Variants in TUBGCP6 observed in about 807,000 individuals in gnomAD.
The protein encoded by TUBGCP6 is gamma-tubulin complex component 6.
Under a neutral mutation model 175.8 loss-of-function variants are expected in TUBGCP6, and 161 were observed. The observed-to-expected ratio is 0.92, with a 90% CI of 0.81 to 1.04. The LOEUF (loss-of-function observed/expected upper bound fraction) is 1.04. Ranked by LOEUF, TUBGCP6 falls within the 50% of genes least tolerant of loss-of-function variation. The probability of loss-of-function intolerance (pLI) is 0.00; values close to 1 mark genes in which losing one functional copy is unlikely to be tolerated. For synonymous variants in TUBGCP6, 1,173 were observed against 1,030.5 expected (o/e 1.14, Z -2.65); for missense variants, 2,572 against 2,433.0 (o/e 1.06, Z -1.20).
intron 5 of TUBGCP6, 50 bp from the exon 6 acceptor site, chr22:50,227,127 G>A (rs776643065): frequency 8.5e-6 from 13 of 1,532,330 alleles, no homozygotes; most frequent in East Asian, 7.0e-5. Flanking sequence ...AGGGTTCCCA[G>A]GCCTGGATCA....
intron 2 of TUBGCP6, among the ~76,000 whole-genome samples, chr22:50,235,924 A>G (rs2064773242): frequency 2.7e-5 from 4 of 147,154 alleles, no homozygotes; most frequent in African/African-American, 1.0e-4. Flanking sequence ...TGAGCAACAG[A>G]GCAAGACTCC....
At chr22:50,235,145 T>C (rs368432853) in intron 2 of TUBGCP6, among the ~76,000 whole-genome samples, 9 of 122,374 alleles carry the variant, frequency 7.4e-5, no homozygotes, top group African/African-American at 2.7e-4. Context: ...CATGGCAGCA[T>C]CCACACCCCA....
intron 2 of TUBGCP6, among the ~76,000 whole-genome samples, chr22:50,238,675 C>G (rs1002828018): frequency 6.6e-6 from 1 of 151,468 alleles, no homozygotes; most frequent in African/African-American, 2.4e-5. Context: ...GTAGCTGGGA[C>G]CACAGGCACC....
At chr22:50,242,637 C>G (rs994084207) in intron 1 of TUBGCP6, among the ~76,000 whole-genome samples, 1 of 152,172 alleles carries the variant, frequency 6.6e-6, no homozygotes, top group Admixed American at 6.5e-5. Context: ...CAATAAAATA[C>G]AAAACTCAAA....
Position 50,220,260 on chromosome 22 carries a change from C to A in TUBGCP6, c.4099G>T (p.Glu1367Ter). The A allele has an allele frequency of 6.4e-7, 1 of 1,557,474 alleles. No homozygotes were observed. Among genetic ancestry groups the A allele is most frequent in the Non-Finnish European group, 8.7e-7 (1 of 1,147,608 alleles). Residue 1367 changes from glutamate to a stop codon, truncating the protein, a stop_gained, in exon 16 of 25, where the codon GAA becomes TAA. Coordinates refer to ENST00000248846, the MANE Select transcript of TUBGCP6 (RefSeq NM_020461.4). LOFTEE classifies it high-confidence loss of function. ...WPNTPGDSVS[E>*]ELGPGRSGDT... is the part of the protein sequence containing the mutation. Reference sequence around the variant, plus strand: ...GCCACCCTACTCTGACCTAGTTCTTCAGAGACACTGTCTCCCGGGGTGTTG... The same window carrying A: ...GCCACCCTACTCTGACCTAGTTCTTAAGAGACACTGTCTCCCGGGGTGTTG...
Position 50,219,443 on chromosome 22 carries a change from A to G in TUBGCP6, c.4329T>C (p.Ile1443=). The G allele has an allele frequency of 6.3e-7, 1 of 1,575,322 alleles. No individual in the cohort carries two copies. Residue 1443 remains isoleucine, a synonymous_variant, in exon 19 of 25, where the codon ATT becomes ATC. Coordinates refer to ENST00000248846, the MANE Select transcript of TUBGCP6 (RefSeq NM_020461.4). ...DSYESMSEPP[I]AHLLRPVLPR... is the part of the protein sequence containing the mutation. ...GAAGCACGGGGCGCAAAAGATGAGC[A>G]ATGGGCGGCTCGGCTGCGGGAGATG...
Position 50,219,662 on chromosome 22 carries a change from C to G in TUBGCP6, c.4297G>C (p.Asp1433His), listed in dbSNP as rs2064482556. The G allele has an allele frequency of 6.2e-7, 1 of 1,613,694 alleles. No individual in the cohort carries two copies. Among genetic ancestry groups the G allele is most frequent in the Non-Finnish European group, 8.5e-7 (1 of 1,179,960 alleles). ...AGQYHLERYP[D>H]SYESMSEPPI... ...CACTCACACATGGACTCGTAACTGT[C>G]CGGGTACCGCTCCAAGTGGTACTGC... Residue 1433 changes from aspartate to histidine, a missense_variant, in exon 18 of 25, where the codon GAC (aspartate) becomes CAC (histidine). By Grantham distance (81) the Asp-to-His change is moderately conservative. Transcript: ENST00000248846.
chr22:50,244,733 C>A lies in TUBGCP6; in HGVS notation c.-274G>T. On this transcript the variant is annotated 5_prime_UTR_variant, in exon 1 of 25. Transcript: ENST00000248846. ...TCGGCGTTTCTTCTAATTCAGTAGC[C>A]CTCAACCTTTAGGGAGTCACAGAAC... The A allele has an allele frequency of 2.1e-6, 1 of 482,846 alleles. No individual in the cohort carries two copies. The highest frequency in any genetic ancestry group is 3.7e-6 in the Non-Finnish European group (1 of 271,922). 29.9% of individuals were successfully genotyped at this position (482,846 alleles called of 1,614,324 possible).
chr22:50,233,202 G>T, intron 3 of TUBGCP6, 114 bp downstream of exon 3: 1 of 1,262,462 alleles, frequency 7.9e-7, no homozygotes, highest in Non-Finnish European at 1.1e-6. Context: ...GGCCTTCCCT[G>T]CCACTCCCCA....
At position 50,219,938 on chromosome 22, in the gene TUBGCP6, C is replaced by T. The variant is rs770942109; in HGVS notation, c.4167+19G>A. On this transcript the variant is annotated intron_variant, in intron 17 of 24. Transcript: ENST00000248846. ...CCCTCCCTGCCTGCTGTGGGACCCC[C>T]AGGCTGCATCCACCTAACCTGTGAG... 1.1e-5 allele frequency: 17 copies of T among 1,613,902 alleles called. 1 individual carries two copies. The South Asian group carries it at 1.5e-4, about 15-fold the overall frequency.
At chr22:50,227,236 G>A (rs972173177) in intron 5 of TUBGCP6, among the ~76,000 whole-genome samples, 159 bp from the exon 6 acceptor site, 2 of 152,000 alleles carry the variant, frequency 1.3e-5, no homozygotes, top group Non-Finnish European at 2.9e-5. Flanking sequence ...ACCCAGAAAC[G>A]GGCTCCCTGC....
At chr22:50,237,059 G>A (rs1479147899) in intron 2 of TUBGCP6, among the ~76,000 whole-genome samples, 2 of 152,338 alleles carry the variant, frequency 1.3e-5, no homozygotes, top group East Asian at 1.9e-4. Context: ...CCAAAATGTA[G>A]CAAAATGCTT....
At chr22:50,222,182 C>A in intron 14 of TUBGCP6, 80 bp from the exon 15 acceptor site, 1 of 1,454,522 alleles carries the variant, frequency 6.9e-7, no homozygotes, top group Non-Finnish European at 9.5e-7. Context: ...CAGCCCCTAC[C>A]GCCCATGGCA....
rs377508237 is a variant in TUBGCP6, at chr22:50,218,287, G to A, written c.5070C>T (p.His1690=). Reference sequence around the variant, plus strand: ...TGGCCCTGAACTCGCACCAGGTGACGTGCAGGATCTGGTTGGCGATGTAGC... The same window carrying A: ...TGGCCCTGAACTCGCACCAGGTGACATGCAGGATCTGGTTGGCGATGTAGC... The part of the protein sequence containing the change: ...IQGYIANQIL[H]VTWCEFRARL... The change falls in exon 23 of 25, where the codon CAC becomes CAT. Residue 1690 remains histidine, a synonymous_variant. Coordinates refer to ENST00000248846, the MANE Select transcript of TUBGCP6 (RefSeq NM_020461.4). 1.8e-4 allele frequency: 297 copies of A among 1,613,152 alleles called. 1 individual carries two copies. Among genetic ancestry groups the A allele is most frequent in the South Asian group, 4.5e-4 (41 of 91,090 alleles).
intron 2 of TUBGCP6, 99 bp from the exon 3 acceptor site, chr22:50,233,625 G>A: frequency 1.7e-6 from 2 of 1,176,254 alleles, no homozygotes; most frequent in East Asian, 2.6e-5. Flanking sequence ...CAGAAGAATG[G>A]AAGTGATTCA....
Position 50,243,875 on chromosome 22 carries a change from G to C in TUBGCP6, c.585C>G (p.Leu195=), listed in dbSNP as rs766602935. The C allele has an allele frequency of 4.2e-5, 67 of 1,613,732 alleles. No individual in the cohort carries two copies. Among genetic ancestry groups the C allele is most frequent in the Middle Eastern group, 1.6e-4 (1 of 6,084 alleles). ...APGTGLPTVG[L]FSFGDPCGDR... is the part of the protein sequence containing the mutation. ...CACCACAAGGGTCACCAAATGAGAA[G>C]AGCCCGACGGTGGGCAGGCCAGTGC... Residue 195 remains leucine (L), a synonymous_variant, in exon 1 of 25, where the codon CTC becomes CTG. Transcript: ENST00000248846.
At chr22:50,225,144 C>T (rs2064587133) in intron 10 of TUBGCP6, among the ~76,000 whole-genome samples, 1 of 149,492 alleles carries the variant, frequency 6.7e-6, no homozygotes, top group Non-Finnish European at 1.5e-5. Context: ...CTCACAGAGA[C>T]ATCTGGGGCT....
In TUBGCP6 at chr22:50,217,743, T is replaced by A; in HGVS notation, c.5453A>T (p.Asp1818Val). The change falls in exon 25 of 25, where the codon GAC becomes GTC. Residue 1818 changes from aspartate (D) to valine (V), a missense_variant. Asp to Val is a radical substitution (Grantham distance 152). Coordinates refer to ENST00000248846, the MANE Select transcript of TUBGCP6 (RefSeq NM_020461.4). The part of the protein sequence containing the change: ...LRINFNNYYQ[D>V]A ...GTCCCCCGCAGAGCAGCCTCAGGCGTCCTGGTAGTAGTTGTTGAAGTTGAT... is the reference window on the plus strand; with the variant it reads ...GTCCCCCGCAGAGCAGCCTCAGGCGACCTGGTAGTAGTTGTTGAAGTTGAT... 6.2e-7 allele frequency: 1 copy of A among 1,613,888 alleles called. No individual in the cohort carries two copies. Among genetic ancestry groups the A allele is most frequent in the East Asian group, 2.2e-5 (1 of 44,864 alleles).
chr22:50,242,582 T>A (rs1272718443), intron 1 of TUBGCP6, among the ~76,000 whole-genome samples: 5 of 152,216 alleles, frequency 3.3e-5, no homozygotes, highest in African/African-American at 1.2e-4. Context: ...CGCATAAGAA[T>A]AGAACGACTA....
Sources: allele counts gnomAD v4.1 joint callset (sites outside exome capture counted in the v4.1 genomes callset), GRCh38; gene constraint gnomAD v4.1.1; transcripts MANE v1.5; gene names NCBI Gene and HGNC (gene_info 2026-07-23, HGNC 2026-07-21).